MEF2A: variants seen among roughly 807,000 people sequenced by gnomAD.
The protein encoded by MEF2A is myocyte-specific enhancer factor 2A.
In MEF2A, 28 loss-of-function variants were observed where a neutral mutation model predicts 55.8. That is an observed-to-expected ratio of 0.50 (90% confidence interval 0.37 to 0.69). The LOEUF (loss-of-function observed/expected upper bound fraction) is 0.69. MEF2A is among the 30% of genes least tolerant of loss of function. The pLI is 0.00. For synonymous variants in MEF2A, 239 were observed against 227.1 expected (o/e 1.05, Z -0.47); for missense variants, 528 against 626.2 (o/e 0.84, Z 1.67).
intron 2 of MEF2A, chr15:99,620,876 C>G (rs1454928116): frequency 6.8e-6 from 1 of 146,290 alleles, no homozygotes; most frequent in Admixed American, 6.9e-5. Flanking sequence ...CATTGAGTCT[C>G]ACTCTACCCC....
chr15:99,701,908 T>C (rs947632589), intron 8 of MEF2A, among the ~76,000 whole-genome samples: 3 of 152,180 alleles, frequency 2.0e-5, no homozygotes, highest in African/African-American at 7.2e-5. Flanking sequence ...AAACTGCCAA[T>C]TTAGAGACAA....
intron 1 of MEF2A, among the ~76,000 whole-genome samples, chr15:99,571,566 G>A (rs757939957): frequency 2.6e-5 from 4 of 152,042 alleles, no homozygotes; most frequent in Non-Finnish European, 5.9e-5. Context: ...CCAGCTATTA[G>A]CGCTAATCTG....
At chr15:99,652,561 T>C (rs2047034895) in intron 4 of MEF2A, among the ~76,000 whole-genome samples, 1 of 152,170 alleles carries the variant, frequency 6.6e-6, no homozygotes, top group African/African-American at 2.4e-5. Flanking sequence ...GCAGTTAGTG[T>C]ACGAAGTTGA....
intron 7 of MEF2A, among the ~76,000 whole-genome samples, chr15:99,689,673 GT>G (rs1224085011): frequency 6.6e-6 from 1 of 152,096 alleles, no homozygotes; most frequent in Non-Finnish European, 1.5e-5. Flanking sequence ...TAGAGACGGG[GT>G]TTCAACATGT....
At chr15:99,702,371 CTG>C (rs1414388346) in intron 8 of MEF2A, among the ~76,000 whole-genome samples, 1 of 151,678 alleles carries the variant, frequency 6.6e-6, no homozygotes, top group African/African-American at 2.4e-5. Flanking sequence ...ACTGATTAGA[CTG>C]TTTCTAGCAT....
Position 99,567,626 on chromosome 15 carries a change from A to AATGTGTGT in MEF2A, c.-225+1522_-225+1523insATGTGTGT, listed in dbSNP as rs1567124507. On this transcript the variant is annotated intron_variant, in intron 1 of 11. Transcript: ENST00000557942. ...TTGTGCCTTTATGGCTTTTGTATGT[A>AATGTGTGT]CTGTGTGTGTGTGTGTGTGTGTGTG... Among the ~76,000 whole-genome samples the AATGTGTGT allele has an allele frequency of 2.7e-3, 331 of 122,084 alleles. 1 individual carries two copies. Among genetic ancestry groups the AATGTGTGT allele is most frequent in the African/African-American group, 0.01 (321 of 30,618 alleles). 80.1% of individuals were successfully genotyped at this position (122,084 alleles called of 152,430 possible). A position where few individuals can be genotyped will look rare whatever the true frequency, so the allele number is the denominator to read the frequency against.
At chr15:99,646,573 T>G (rs2045995141) in intron 4 of MEF2A, among the ~76,000 whole-genome samples, 1 of 152,134 alleles carries the variant, frequency 6.6e-6, no homozygotes, top group Non-Finnish European at 1.5e-5. Flanking sequence ...AGAAAAGTAT[T>G]AGGCATTTCT....
intron 7 of MEF2A, among the ~76,000 whole-genome samples, chr15:99,686,253 A>G (rs1225075135): frequency 6.6e-6 from 1 of 152,112 alleles, no homozygotes; most frequent in Non-Finnish European, 1.5e-5. Context: ...GTGAGGTACT[A>G]TTTTATTAAT....
At chr15:99,606,866 A>T (rs532371557) in intron 2 of MEF2A, among the ~76,000 whole-genome samples, 2 of 152,104 alleles carry the variant, frequency 1.3e-5, no homozygotes, top group African/African-American at 4.8e-5. Flanking sequence ...GTGTGGAGGG[A>T]TGTGTTAAAG....
chr15:99,674,879 T>C (rs1251733778), intron 6 of MEF2A, among the ~76,000 whole-genome samples: 1 of 152,048 alleles, frequency 6.6e-6, no homozygotes, highest in Non-Finnish European at 1.5e-5. Flanking sequence ...GGCAGAAAAT[T>C]TAGTTAGATA....
intron 9 of MEF2A, among the ~76,000 whole-genome samples, chr15:99,703,777 T>G (rs2057708830): frequency 6.6e-6 from 1 of 152,218 alleles, no homozygotes; most frequent in African/African-American, 2.4e-5. Flanking sequence ...GTGTTGTTTC[T>G]CTTTCAAAAA....
At chr15:99,695,805 G>A (rs1355634872) in intron 8 of MEF2A, among the ~76,000 whole-genome samples, 1 of 151,608 alleles carries the variant, frequency 6.6e-6, no homozygotes, top group Non-Finnish European at 1.5e-5. Flanking sequence ...GTTGCAGTGA[G>A]CCAAGATCAT....
intron 8 of MEF2A, 148 bp downstream of exon 8, chr15:99,690,576 GAC>G: frequency 1.2e-6 from 1 of 801,046 alleles, no homozygotes; most frequent in South Asian, 1.5e-5. Context: ...TATTTGAAGA[GAC>G]AAGTCTATTT....
intron 8 of MEF2A, among the ~76,000 whole-genome samples, chr15:99,694,729 G>T (rs2056146606): frequency 6.6e-6 from 1 of 152,146 alleles, no homozygotes; most frequent in South Asian, 2.1e-4. Context: ...AAGGAGTGGG[G>T]AGTTAAGGCT....
chr15:99,595,521 G>A (rs1970856905), intron 1 of MEF2A, among the ~76,000 whole-genome samples: 1 of 152,152 alleles, frequency 6.6e-6, no homozygotes, highest in South Asian at 2.1e-4. Flanking sequence ...CTAGAAAAGT[G>A]CCTGGAATAT....
rs561930043 is a variant in MEF2A, at chr15:99,715,911, C to G, written c.*3140C>G. Reference sequence around the variant, plus strand: ...ATGTCCATTTTGTTATAGACTAAATCAGGGGTTTGTTCTACAAGAACAATA... The same window carrying G: ...ATGTCCATTTTGTTATAGACTAAATGAGGGGTTTGTTCTACAAGAACAATA... On this transcript the variant is annotated 3_prime_UTR_variant, in exon 12 of 12. Transcript: ENST00000557942. 1.3e-5 allele frequency: 2 copies of G among 152,590 alleles called. No homozygotes were observed. The highest frequency in any genetic ancestry group is 3.9e-4 in the East Asian group (2 of 5,188). The allele number at this position is 152,590 out of a possible 1,614,324, so 9.5% of individuals were successfully genotyped here.
chr15:99,664,552 G>T (rs1308661883), intron 4 of MEF2A, among the ~76,000 whole-genome samples: 1 of 152,180 alleles, frequency 6.6e-6, no homozygotes, highest in Non-Finnish European at 1.5e-5. Context: ...AGAATGGAGA[G>T]AGAGAAAAGT....
rs1395970463 is a variant in MEF2A at position 99,714,546 on chromosome 15, CT to C, written c.*1776del. On this transcript the variant is annotated 3_prime_UTR_variant, in exon 12 of 12. Transcript: ENST00000557942. ...GGTCCTTGGCATGACTCTTGCCATTCTAATTGGAATTAGTGCCACCCTCAGC... is the reference window on the plus strand; with the variant it reads ...GGTCCTTGGCATGACTCTTGCCATTCAATTGGAATTAGTGCCACCCTCAGC... The C allele has an allele frequency of 2.0e-5, 3 of 152,124 alleles. No individual in the cohort carries two copies. The highest frequency in any genetic ancestry group is 7.2e-5 in the African/African-American group (3 of 41,420). The allele number at this position is 152,124 out of a possible 1,614,324, so 9.4% of individuals were successfully genotyped here.
At chr15:99,639,963 C>G (rs1175887867) in intron 3 of MEF2A, among the ~76,000 whole-genome samples, 2 of 152,096 alleles carry the variant, frequency 1.3e-5, no homozygotes, top group East Asian at 3.8e-4. Context: ...TCAGTCTTTA[C>G]CAAAACACTT....
Sources: allele counts gnomAD v4.1 joint callset (sites outside exome capture counted in the v4.1 genomes callset), GRCh38; gene constraint gnomAD v4.1.1; transcripts MANE v1.5; gene names NCBI Gene and HGNC (gene_info 2026-07-23, HGNC 2026-07-21).